Variants in LRRC7 observed in about 807,000 individuals in gnomAD.
The protein encoded by LRRC7 is leucine-rich repeat-containing protein 7.
A neutral mutation model predicts 175.7 loss-of-function variants in LRRC7; 23 were observed. That is an observed-to-expected ratio of 0.13 (90% CI 0.09 to 0.19). LRRC7 has a LOEUF of 0.19. Among genes scored for constraint, LRRC7 ranks in the 10% least tolerant of loss-of-function variants. The pLI is 1.00. For missense variants in LRRC7, 1,354 were observed against 1,904.7 expected (o/e 0.71, Z 5.38); for synonymous variants, 685 against 680.9 (o/e 1.01, Z -0.09).
At chr1:69,573,258 AT>A (rs1645810373) in intron 1 of LRRC7, among the ~76,000 whole-genome samples, 1 of 152,092 alleles carries the variant, frequency 6.6e-6, no homozygotes. Context: ...GCCCCTGTTC[AT>A]TTTTCCCCAT....
At position 70,130,283 on chromosome 1, in the gene LRRC7, C is replaced by T. The variant is rs1237693862; in HGVS notation, c.*8396C>T. On this transcript the variant is annotated 3_prime_UTR_variant, in exon 27 of 27. Transcript: ENST00000651989. ...TAAAATGACCAGATGTTTTGTTTAC[C>T]ATATATCCTTAATGCCTGTCATAGT... The T allele has an allele frequency of 6.6e-6, 1 of 152,078 alleles. No homozygotes were observed. Among genetic ancestry groups the T allele is most frequent in the African/African-American group, 2.4e-5 (1 of 41,390 alleles). 9.4% of individuals were successfully genotyped at this position (152,078 alleles called of 1,614,324 possible).
intron 10 of LRRC7, among the ~76,000 whole-genome samples, chr1:69,993,998 C>G (rs1654692004): frequency 6.6e-6 from 1 of 152,084 alleles, no homozygotes; most frequent in Non-Finnish European, 1.5e-5. Flanking sequence ...TTGGCCAGTT[C>G]TAAGTTTTTG....
chr1:70,039,347 C>A lies in LRRC7; in HGVS notation c.3523C>A (p.Leu1175Met). The change falls in exon 21 of 27, where the codon CTG becomes ATG. Residue 1175 changes from leucine to methionine, a missense_variant. This residue lies in a region of LRRC7 where 1,032 missense variants were observed against 1,227.2 expected (regional missense o/e 0.84). Transcript: ENST00000651989. Reference protein sequence around the residue: ...MFRRVNEPHELPPTDRYGRPP... With the variant: ...MFRRVNEPHEMPPTDRYGRPP... ...TAGAAGGGTCAATGAGCCTCATGAG[C>A]TGCCCCCAACTGATAGGTACGGCAG... 6.2e-7 allele frequency: 1 copy of A among 1,614,024 alleles called. No homozygotes were observed. Among genetic ancestry groups the A allele is most frequent in the Non-Finnish European group, 8.5e-7 (1 of 1,180,018 alleles).
chr1:69,712,235 AAC>A (rs57948269), intron 2 of LRRC7, among the ~76,000 whole-genome samples: 34,118 of 150,560 alleles, frequency 0.23, 3,900 homozygotes, highest in East Asian at 0.39. Context: ...TGAGAAAAAG[AAC>A]ACACACACAC....
intron 8 of LRRC7, among the ~76,000 whole-genome samples, chr1:69,977,762 G>A (rs544190538): frequency 6.6e-6 from 1 of 152,298 alleles, no homozygotes; most frequent in Admixed American, 6.5e-5. Flanking sequence ...ACAATCTTGA[G>A]ATGGTATCAC....
In LRRC7 at chr1:70,011,342, T is replaced by C. The variant is rs914946743; in HGVS notation, c.1005-455T>C. The stretch of plus-strand genomic sequence containing the variant: ...GAGGAAGAGAATTGGTGGTTTTTTT[T>C]TTCTTTAATCTCTAAAATGCTTAGT... On this transcript the variant is annotated intron_variant, in intron 11 of 26. Coordinates refer to ENST00000651989, the MANE Select transcript of LRRC7 (RefSeq NM_001370785.2). Among the ~76,000 whole-genome samples the C allele has an allele frequency of 2.0e-5, 3 of 152,112 alleles. No individual in the cohort carries two copies. The East Asian group carries it at 5.8e-4, about 29-fold the overall frequency.
chr1:69,660,239 A>G (rs980847928), intron 1 of LRRC7, among the ~76,000 whole-genome samples: 3 of 152,146 alleles, frequency 2.0e-5, no homozygotes, highest in Non-Finnish European at 4.4e-5. Flanking sequence ...GGTTCAATCC[A>G]TCAGAATATT....
At chr1:69,580,023 G>A (rs752234227) in intron 1 of LRRC7, among the ~76,000 whole-genome samples, 5 of 152,004 alleles carry the variant, frequency 3.3e-5, no homozygotes, top group Non-Finnish European at 7.4e-5. Flanking sequence ...AGCCTCCATC[G>A]TCCTGGTCCA....
chr1:69,611,120 CT>C (rs1648655058), intron 1 of LRRC7, among the ~76,000 whole-genome samples: 1 of 151,980 alleles, frequency 6.6e-6, no homozygotes, highest in African/African-American at 2.4e-5. Flanking sequence ...CCCACTAATA[CT>C]TTTGAAACTT....
chr1:69,633,740 T>C (rs1652882641), intron 1 of LRRC7, among the ~76,000 whole-genome samples: 1 of 152,170 alleles, frequency 6.6e-6, no homozygotes, highest in African/African-American at 2.4e-5. Flanking sequence ...AACATACTTT[T>C]AAAAGGTTAT....
chr1:69,667,472 A>T (rs922521222), intron 1 of LRRC7, among the ~76,000 whole-genome samples: 1 of 152,122 alleles, frequency 6.6e-6, no homozygotes, highest in Non-Finnish European at 1.5e-5. Flanking sequence ...TGTGTTTTGT[A>T]TACCTATGTG....
chr1:70,088,976 C>T (rs781195175), intron 24 of LRRC7, among the ~76,000 whole-genome samples: 15 of 152,044 alleles, frequency 9.9e-5, no homozygotes, highest in Non-Finnish European at 1.8e-4. Flanking sequence ...GGTAATATAA[C>T]AGAACATTAG....
chr1:69,817,224 C>T (rs1333628701), intron 4 of LRRC7, among the ~76,000 whole-genome samples: 2 of 151,726 alleles, frequency 1.3e-5, no homozygotes, highest in African/African-American at 4.8e-5. Context: ...CAGAAGTTTT[C>T]AAGTTTCAGG....
chr1:70,000,045 C>T (rs1655382341), intron 11 of LRRC7, among the ~76,000 whole-genome samples: 1 of 152,084 alleles, frequency 6.6e-6, no homozygotes, highest in Non-Finnish European at 1.5e-5. Flanking sequence ...TCAATTCCCA[C>T]CCTACTTGCC....
chr1:69,711,185 A>G (rs1233586806), intron 2 of LRRC7, among the ~76,000 whole-genome samples: 1 of 152,182 alleles, frequency 6.6e-6, no homozygotes, highest in Non-Finnish European at 1.5e-5. Context: ...GCTGTGGTGT[A>G]ATTTTTCCTA....
chr1:69,825,049 G>A (rs1679747789), intron 4 of LRRC7, among the ~76,000 whole-genome samples: 1 of 152,088 alleles, frequency 6.6e-6, no homozygotes, highest in South Asian at 2.1e-4. Flanking sequence ...AAAAATCTGT[G>A]TTTTTCTGTC....
chr1:69,619,282 G>A (rs1650175773), intron 1 of LRRC7, among the ~76,000 whole-genome samples: 1 of 152,066 alleles, frequency 6.6e-6, no homozygotes, highest in East Asian at 1.9e-4. Flanking sequence ...GTTGACATTG[G>A]CACTGATAAT....
intron 3 of LRRC7, among the ~76,000 whole-genome samples, chr1:69,780,675 A>G (rs931296656): frequency 6.6e-6 from 1 of 152,232 alleles, no homozygotes; most frequent in African/African-American, 2.4e-5. Context: ...TGTTTTAAAC[A>G]AAGGAAATTT....
intron 2 of LRRC7, among the ~76,000 whole-genome samples, chr1:69,722,916 A>G (rs1396848178): frequency 6.6e-6 from 1 of 152,082 alleles, no homozygotes; most frequent in Non-Finnish European, 1.5e-5. Context: ...TGTAATATAT[A>G]TGCATTTTCT....
Sources: allele counts gnomAD v4.1 joint callset (sites outside exome capture counted in the v4.1 genomes callset), GRCh38; gene constraint gnomAD v4.1.1; regional missense constraint gnomAD v4.1.1; transcripts MANE v1.5; gene names NCBI Gene and HGNC (gene_info 2026-07-23, HGNC 2026-07-21).